SHROOM4: variants seen among roughly 807,000 people sequenced by gnomAD.
SHROOM4 encodes the protein shroom family member 4.
A neutral mutation model predicts 80.3 loss-of-function variants in SHROOM4; 17 were observed. The ratio of observed to expected loss-of-function variants is 0.21; its 90% CI spans 0.14 to 0.32. The LOEUF is 0.32. Ranked by LOEUF, SHROOM4 falls within the 10% of genes least tolerant of loss-of-function variation. The pLI, the probability that SHROOM4 is intolerant of heterozygous loss-of-function variation, is 1.00. For missense variants in SHROOM4, 993 were observed against 1,140.3 expected, an observed-to-expected ratio of 0.87 and a Z score of 1.86; for synonymous variants, 400 against 437.5, an observed-to-expected ratio of 0.91 and a Z score of 1.07.
At chrX:50,703,323 A>C (rs17003183) in intron 1 of SHROOM4, among the ~76,000 whole-genome samples, 6,078 of 111,535 alleles carry the variant, frequency 0.054, 443 homozygotes, top group African/African-American at 0.19. Context: ...TCTTGTCAAT[A>C]TCAGATATGT....
chrX:50,684,501 T>C (rs1345160194), intron 2 of SHROOM4, among the ~76,000 whole-genome samples: 2 of 111,922 alleles, frequency 1.8e-5, no homozygotes, highest in Admixed American at 9.5e-5. Context: ...TGTTGTGACA[T>C]CCCTAGGACA....
intron 1 of SHROOM4, among the ~76,000 whole-genome samples, chrX:50,801,221 G>A (rs1557272543): frequency 1.9e-5 from 2 of 104,105 alleles, no homozygotes; most frequent in African/African-American, 7.1e-5. Flanking sequence ...GAGGGAAGGG[G>A]AGAGGGAGAA....
chrX:50,626,439 A>G (rs1026434624), intron 5 of SHROOM4, among the ~76,000 whole-genome samples: 16 of 111,930 alleles, frequency 1.4e-4, no homozygotes, highest in Admixed American at 3.8e-4. Flanking sequence ...TCCCTTTACT[A>G]GCTGTGAGAC....
chrX:50,705,513 C>T (rs1933646061), intron 1 of SHROOM4, among the ~76,000 whole-genome samples: 1 of 111,243 alleles, frequency 9.0e-6, no homozygotes, highest in Admixed American at 9.5e-5. Context: ...TTTTTAGCTT[C>T]AGTTCCTGCT....
intron 2 of SHROOM4, chrX:50,643,330 G>A (rs1213710009): frequency 8.9e-6 from 1 of 111,990 alleles, no homozygotes; most frequent in Non-Finnish European, 1.9e-5. Flanking sequence ...CCAGGGTGGA[G>A]AGATGGCTTG....
At chrX:50,746,056 T>G (rs782670470) in intron 1 of SHROOM4, among the ~76,000 whole-genome samples, 11 of 112,057 alleles carry the variant, frequency 9.8e-5, no homozygotes. Context: ...CTAGGTGTTA[T>G]ATACACTGGA....
rs1268054499 is a variant in SHROOM4 at position 50,593,379 on chromosome X, T to C, written c.*3316A>G. ...ACCCTTGATGACAATCTGGCAGGCA[T>C]ATCTATGTCAGCCAAGAAGGGAGTG... is the stretch of plus-strand genomic sequence containing the variant. On this transcript the variant is annotated 3_prime_UTR_variant, in exon 9 of 9. Coordinates refer to ENST00000376020, the MANE Select transcript of SHROOM4 (RefSeq NM_020717.5). 1.8e-5 allele frequency: 2 copies of C among 111,421 alleles called. No individual in the cohort carries two copies. Among genetic ancestry groups the C allele is most frequent in the Non-Finnish European group, 3.8e-5 (2 of 53,046 alleles). The allele number at this position is 111,421 out of a possible 1,213,427, so 9.2% of individuals were successfully genotyped here. A position where few individuals can be genotyped will look rare whatever the true frequency, so the allele number is the denominator to read the frequency against.
At chrX:50,575,776 T>A in the SHROOM4 span, among the ~76,000 whole-genome samples, 5 of 112,265 alleles carry the variant, frequency 4.5e-5, no homozygotes, top group Middle Eastern at 4.6e-3. Context: ...ATAATTTACA[T>A]TCCATGAAAT....
chrX:50,623,341 C>A (rs1930657701), intron 5 of SHROOM4, among the ~76,000 whole-genome samples: 1 of 110,780 alleles, frequency 9.0e-6, no homozygotes, highest in African/African-American at 3.3e-5. Context: ...GCGCCTGCCA[C>A]CATGGCTGGC....
In SHROOM4 at chrX:50,588,800, G is replaced by C. The variant is rs1557245119; in HGVS notation, c.*7895C>G. 8.9e-6 allele frequency among the ~76,000 whole-genome samples: 1 copy of C among 112,283 alleles called. No individual in the cohort carries two copies. The highest frequency in any genetic ancestry group is 1.9e-5 in the Non-Finnish European group (1 of 53,281). ...CTACATGGCAGACATTATTTTAAGT[G>C]CTTCATGTGAATTATCTCATTTAAT... On this transcript the variant is annotated 3_prime_UTR_variant, in exon 9 of 9. Coordinates refer to ENST00000376020, the MANE Select transcript of SHROOM4 (RefSeq NM_020717.5).
intron 5 of SHROOM4, among the ~76,000 whole-genome samples, chrX:50,620,989 TC>T (rs1369615757): frequency 9.0e-6 from 1 of 111,148 alleles, no homozygotes; most frequent in African/African-American, 3.3e-5. Flanking sequence ...TACAAAGGCT[TC>T]CCCCCCACCA....
chrX:50,601,123 C>G (rs1287031523), intron 7 of SHROOM4, among the ~76,000 whole-genome samples: 1 of 112,258 alleles, frequency 8.9e-6, no homozygotes, highest in Non-Finnish European at 1.9e-5. Context: ...CCAGCCAGAG[C>G]TGAGTTGCTT....
At chrX:50,762,990 C>T (rs1412155857) in intron 1 of SHROOM4, among the ~76,000 whole-genome samples, 1 of 110,816 alleles carries the variant, frequency 9.0e-6, no homozygotes, top group Non-Finnish European at 1.9e-5. Context: ...TTTTTCCTGC[C>T]CCATTTATAC....
intron 1 of SHROOM4, among the ~76,000 whole-genome samples, chrX:50,747,508 A>C (rs1934798699): frequency 8.9e-6 from 1 of 112,106 alleles, no homozygotes; most frequent in African/African-American, 3.2e-5. Context: ...ATCTTGTAAT[A>C]TTAAAAAAAA....
intron 1 of SHROOM4, among the ~76,000 whole-genome samples, chrX:50,803,990 G>C (rs1557272856): frequency 9.0e-6 from 1 of 111,664 alleles, no homozygotes; most frequent in African/African-American, 3.3e-5. Context: ...TGCAGTAGCA[G>C]ACATTACACG....
chrX:50,788,485 T>C (rs1935791283), intron 1 of SHROOM4, among the ~76,000 whole-genome samples: 2 of 110,189 alleles, frequency 1.8e-5, no homozygotes, highest in Non-Finnish European at 3.8e-5. Flanking sequence ...CGGGCGCCTG[T>C]AGCCCCAGCT....
At chrX:50,806,695 C>A (rs993903339) in intron 1 of SHROOM4, among the ~76,000 whole-genome samples, 3 of 112,218 alleles carry the variant, frequency 2.7e-5, no homozygotes, top group African/African-American at 6.5e-5. Flanking sequence ...AATATAAAAA[C>A]GTTACTTGCT....
chrX:50,729,716 A>G (rs951573413), intron 1 of SHROOM4, among the ~76,000 whole-genome samples: 6 of 111,745 alleles, frequency 5.4e-5, no homozygotes, highest in South Asian at 3.7e-4. Context: ...AACTAAAGAT[A>G]AAGAAAAAAT....
At position 50,695,833 on chromosome X, in the gene SHROOM4, G is replaced by A. The variant is rs376687082; in HGVS notation, c.222C>T (p.Leu74=). The A allele has an allele frequency of 1.7e-6, 2 of 1,210,161 alleles. No individual in the cohort carries two copies. Among genetic ancestry groups the A allele is most frequent in the African/African-American group, 3.5e-5 (2 of 57,282 alleles). Residue 74 remains leucine, a synonymous_variant, in exon 2 of 9, where the codon CTC becomes CTT. Transcript: ENST00000376020. The part of the protein sequence containing the change: ...TPLYGSRQEA[L]ILIKGSFRIL... The stretch of plus-strand genomic sequence containing the variant: ...TCCGGAAGGAGCCTTTGATGAGAAT[G>A]AGGGCCTCTTGGCGGGAGCCATATA...
Sources: gnomAD v4.1 joint callset for allele counts (sites outside exome capture counted in the v4.1 genomes callset) on GRCh38, gnomAD v4.1.1 for gene constraint, MANE v1.5 for transcripts, NCBI Gene and HGNC (gene_info 2026-07-23, HGNC 2026-07-21) for gene names.